RBM28: variants seen among roughly 807,000 people sequenced by gnomAD.
The protein encoded by RBM28 is RNA-binding protein 28.
In RBM28, 78 loss-of-function variants were observed where a neutral mutation model predicts 98.3. That is an observed-to-expected ratio of 0.79 (90% CI 0.66 to 0.96). The LOEUF is 0.96. Ranked by LOEUF, RBM28 falls within the 40% of genes least tolerant of loss-of-function variation. The probability of loss-of-function intolerance (pLI) is 0.00; values close to 1 mark genes in which losing one functional copy is unlikely to be tolerated. For missense variants in RBM28, 838 were observed against 913.0 expected, an observed-to-expected ratio of 0.92 and a Z score of 1.06; for synonymous variants, 306 against 330.9, an observed-to-expected ratio of 0.92 and a Z score of 0.82.
At chr7:128,314,737 C>G (rs770628685) in intron 17 of RBM28, 27 bp downstream of exon 17, 1 of 1,614,168 alleles carries the variant, frequency 6.2e-7, no homozygotes, top group Non-Finnish European at 8.5e-7. Context: ...ACCCACTGTT[C>G]TGTGCTTCTG....
At chr7:128,320,230 AAAAAAG>A (rs1470646922) in intron 14 of RBM28, among the ~76,000 whole-genome samples, 190 of 117,994 alleles carry the variant, frequency 1.6e-3, no homozygotes, top group Non-Finnish European at 2.6e-3. Flanking sequence ...AAAAAAAAAA[AAAAAAG>A]AAAGAAAGAA....
chr7:128,310,911 C>T lies in RBM28; in HGVS notation c.2166G>A (p.Lys722=), dbSNP rs1795969173. 1 of 1,613,492 alleles carries T rather than the reference C, an allele frequency of 6.2e-7. No homozygotes were observed. The highest frequency in any genetic ancestry group is 8.5e-7 in the Non-Finnish European group (1 of 1,179,470). ...TGAAGCGGGTTTCCGTCTTATTTCC[C>T]TTAGCTTTTTTCCTAGATACCTACA... ...SSEQVSRKKA[K]GNKTETRFNQ... The change falls in exon 19 of 19, where the codon AAG becomes AAA. Residue 722 remains lysine (K), a synonymous_variant. Coordinates refer to ENST00000223073, the MANE Select transcript of RBM28 (RefSeq NM_018077.3).
chr7:128,341,596 T>G (rs1354042665), intron 1 of RBM28, among the ~76,000 whole-genome samples: 1 of 152,204 alleles, frequency 6.6e-6, no homozygotes, highest in Non-Finnish European at 1.5e-5. Context: ...GCTGTCTGGA[T>G]AGGAAAGTGC....
chr7:128,319,396 C>T (rs1034140725), intron 14 of RBM28, among the ~76,000 whole-genome samples: 3 of 152,148 alleles, frequency 2.0e-5, no homozygotes, highest in Non-Finnish European at 4.4e-5. Flanking sequence ...TATGTAGGCA[C>T]TAAGTATTCG....
At chr7:128,334,583 C>T (rs188959220) in intron 8 of RBM28, among the ~76,000 whole-genome samples, 2 of 152,306 alleles carry the variant, frequency 1.3e-5, no homozygotes, top group Non-Finnish European at 2.9e-5. Flanking sequence ...CCAGACAAAT[C>T]AAAGAACCAG....
chr7:128,336,777 G>A (rs1409512263), intron 6 of RBM28, among the ~76,000 whole-genome samples: 3 of 151,884 alleles, frequency 2.0e-5, no homozygotes, highest in African/African-American at 4.8e-5. Flanking sequence ...TTTTTGAGAC[G>A]AAGTCTCGTT....
At chr7:128,342,280 A>G (rs1796742458) in intron 1 of RBM28, among the ~76,000 whole-genome samples, 2 of 152,228 alleles carry the variant, frequency 1.3e-5, no homozygotes, top group Non-Finnish European at 1.5e-5. Context: ...TTTTAAGTAC[A>G]TAAGCTTTTG....
At chr7:128,336,131 G>T (rs1470297308) in intron 6 of RBM28, 89 bp from the exon 7 acceptor site, 5 of 1,228,702 alleles carry the variant, frequency 4.1e-6, no homozygotes, top group African/African-American at 1.5e-5. Flanking sequence ...CAAGTTCTTG[G>T]TTTCATCGGT....
intron 5 of RBM28, 26 bp downstream of exon 5, chr7:128,338,224 C>A (rs1449051519): frequency 1.3e-6 from 2 of 1,547,492 alleles, no homozygotes; most frequent in South Asian, 2.2e-5. Context: ...ATATCTGGGT[C>A]AATGATATGG....
At position 128,310,479 on chromosome 7, in the gene RBM28, T is replaced by C; in HGVS notation, c.*318A>G. Reference sequence around the variant, plus strand: ...ATCTTAAAAATTCAGCACTCCAGAATGCTTTTTCAGGTGTTTCCATTTGAG... The same window carrying C: ...ATCTTAAAAATTCAGCACTCCAGAACGCTTTTTCAGGTGTTTCCATTTGAG... On this transcript the variant is annotated 3_prime_UTR_variant, in exon 19 of 19. Transcript: ENST00000223073. The C allele has an allele frequency of 2.7e-6, 1 of 369,500 alleles. No homozygotes were observed. Among genetic ancestry groups the C allele is most frequent in the Non-Finnish European group, 5.0e-6 (1 of 200,596 alleles). The allele number at this position is 369,500 out of a possible 1,614,324, so 22.9% of individuals were successfully genotyped here.
intron 10 of RBM28, among the ~76,000 whole-genome samples, chr7:128,329,403 C>G (rs1281290665): frequency 6.6e-6 from 1 of 152,128 alleles, no homozygotes; most frequent in East Asian, 1.9e-4. Context: ...CCGGCCAGGT[C>G]TTACTTTTTT....
Position 128,343,865 on chromosome 7 carries a change from T to C in RBM28, c.-72A>G, listed in dbSNP as rs1584669985. 1 of 1,120,048 alleles carries C rather than the reference T, an allele frequency of 8.9e-7. No individual in the cohort carries two copies. Among genetic ancestry groups the C allele is most frequent in the Non-Finnish European group, 1.3e-6 (1 of 787,722 alleles). 69.4% of individuals were successfully genotyped at this position (1,120,048 alleles called of 1,614,324 possible). ...GGCGCACGCGAGCCGAAACGCTGGC[T>C]TTGGTAGGACAACCAAGCTCACACG... On this transcript the variant is annotated 5_prime_UTR_variant, in exon 1 of 19. Transcript: ENST00000223073.
intron 9 of RBM28, among the ~76,000 whole-genome samples, chr7:128,332,673 C>A (rs1796506966): frequency 6.6e-6 from 1 of 152,044 alleles, no homozygotes; most frequent in South Asian, 2.1e-4. Context: ...AAAGATTGTA[C>A]AAGAAGATAA....
rs1319312611 is a variant in RBM28, at chr7:128,338,358, CAAAG to C, written c.449-20_449-17del. On this transcript the variant is annotated splice_polypyrimidine_tract_variant and intron_variant, in intron 4 of 18. Transcript: ENST00000223073. ...ATCTTCCCATCTGTGTGCAAATGCA[CAAAG>C]AAAGAAGTGAGAGGCAGCAGGAGGT... The C allele has an allele frequency of 6.2e-7, 1 of 1,606,888 alleles. No homozygotes were observed. Among genetic ancestry groups the C allele is most frequent in the South Asian group, 1.1e-5 (1 of 90,926 alleles).
Position 128,343,724 on chromosome 7 carries a change from A to G in RBM28, c.70T>C (p.Phe24Leu). The G allele has an allele frequency of 6.2e-7, 1 of 1,611,908 alleles. No individual in the cohort carries two copies. Among genetic ancestry groups the G allele is most frequent in the East Asian group, 2.2e-5 (1 of 44,610 alleles). Residue 24 changes from phenylalanine to leucine, a missense_variant, in exon 1 of 19, where the codon TTC (phenylalanine) becomes CTC (leucine). Phe to Leu is a conservative substitution (Grantham distance 22). Transcript: ENST00000223073. ...TGCTTCACCGGCCCCACCTGACTGA[A>G]CAGTTCCTCCAGCTGCTCACTGCGG... is the stretch of plus-strand genomic sequence containing the variant. Reference protein sequence around the residue: ...SARSEQLEELFSQVGPVKQCF... With the variant: ...SARSEQLEELLSQVGPVKQCF...
At chr7:128,326,910 C>A (rs1796364779) in intron 10 of RBM28, among the ~76,000 whole-genome samples, 1 of 151,436 alleles carries the variant, frequency 6.6e-6, no homozygotes, top group African/African-American at 2.4e-5. Flanking sequence ...GAGACCAAGG[C>A]AGGAAGATCG....
chr7:128,314,963 C>T lies in RBM28; in HGVS notation c.1846G>A (p.Ala616Thr). The change falls in exon 17 of 19, where the codon GCA (alanine) becomes ACA (threonine). Residue 616 changes from alanine (A) to threonine (T), a missense_variant. Coordinates refer to ENST00000223073, the MANE Select transcript of RBM28 (RefSeq NM_018077.3). ...GCTGCCTTCTGTTGCTGGTCTTTTG[C>T]AGGCTCTGGTTGCCCCTTCTGAGGC... ...GEPQKGQPEPAKDQQQKAAQH... is the reference protein window; with the variant it reads ...GEPQKGQPEPTKDQQQKAAQH... The T allele has an allele frequency of 6.2e-7, 1 of 1,614,206 alleles. No individual in the cohort carries two copies. The highest frequency in any genetic ancestry group is 8.5e-7 in the Non-Finnish European group (1 of 1,180,024).
intron 9 of RBM28, among the ~76,000 whole-genome samples, chr7:128,332,356 A>ATTT (rs573108717): frequency 6.9e-6 from 1 of 145,942 alleles, no homozygotes. Context: ...AAGAAAACAA[A>ATTT]TTTTTTTTTT....
rs748381552 is a variant in RBM28 at position 128,313,210 on chromosome 7, A to C, written c.2110T>G (p.Trp704Gly). Reference sequence around the variant, plus strand: ...GATAATTGCTGCTTCTCCTGCTTCCACTGGTTTATCTGTGGCTTTGGCTTT... The same window carrying C: ...GATAATTGCTGCTTCTCCTGCTTCCCCTGGTTTATCTGTGGCTTTGGCTTT... ...PKKPKPQINQWKQEKQQLSSE... is the reference protein window; with the variant it reads ...PKKPKPQINQGKQEKQQLSSE... Residue 704 changes from tryptophan to glycine, a missense_variant, in exon 18 of 19, where the codon TGG becomes GGG. Trp to Gly is a radical substitution (Grantham distance 184, BLOSUM62 -2). Coordinates refer to ENST00000223073, the MANE Select transcript of RBM28 (RefSeq NM_018077.3). 2.5e-6 allele frequency: 4 copies of C among 1,614,052 alleles called. No individual in the cohort carries two copies. The Admixed American group carries it at 6.7e-5, about 27-fold the overall frequency.
Sources: allele counts gnomAD v4.1 joint callset (sites outside exome capture counted in the v4.1 genomes callset), GRCh38; gene constraint gnomAD v4.1.1; transcripts MANE v1.5; gene names NCBI Gene and HGNC (gene_info 2026-07-23, HGNC 2026-07-21).